Variants in SZT2 observed in about 807,000 individuals in gnomAD.
SZT2 encodes the protein KICSTOR complex protein SZT2.
A neutral mutation model predicts 404.2 loss-of-function variants in SZT2; 216 were observed. The observed-to-expected ratio is 0.53, with a 90% CI of 0.48 to 0.60. The LOEUF (loss-of-function observed/expected upper bound fraction) is 0.60. SZT2 is among the 20% of genes least tolerant of loss of function. The pLI, the probability that SZT2 is intolerant of heterozygous loss-of-function variation, is 0.00. For synonymous variants in SZT2, 1,693 were observed against 1,749.9 expected, an observed-to-expected ratio of 0.97 and a Z score of 0.81; for missense variants, 3,857 against 4,459.2, an observed-to-expected ratio of 0.86 and a Z score of 3.85.
At chr1:43,444,288 G>C (rs908126382) in intron 62 of SZT2, among the ~76,000 whole-genome samples, 2 of 151,846 alleles carry the variant, frequency 1.3e-5, no homozygotes, top group African/African-American at 4.8e-5. Flanking sequence ...GTAGAGATGG[G>C]GTATCACCAT....
At chr1:43,430,919 C>T in intron 32 of SZT2, 30 bp from the exon 33 acceptor site, 1 of 1,602,670 alleles carries the variant, frequency 6.2e-7, no homozygotes, top group Non-Finnish European at 8.5e-7. Context: ...TTAGAGCCCT[C>T]AGCAACTGCT....
At chr1:43,413,425 T>C (rs1016646230) in intron 4 of SZT2, among the ~76,000 whole-genome samples, 2 of 152,046 alleles carry the variant, frequency 1.3e-5, no homozygotes, top group Non-Finnish European at 2.9e-5. Flanking sequence ...AGAGCTACCA[T>C]ATGATCTAGC....
At chr1:43,429,619 C>T (rs1653611911) in intron 28 of SZT2, 84 bp from the exon 29 acceptor site, 2 of 1,568,222 alleles carry the variant, frequency 1.3e-6, no homozygotes, top group South Asian at 2.3e-5. Flanking sequence ...AAAAGGCTTC[C>T]TGTGCTGCTC....
At chr1:43,391,855 G>A (rs1340718102) in intron 1 of SZT2, among the ~76,000 whole-genome samples, 1 of 27,410 alleles carries the variant, frequency 3.6e-5, no homozygotes, top group African/African-American at 1.5e-4. Flanking sequence ...GCCGAGGCGG[G>A]CGGATCACGA....
At chr1:43,406,285 A>G in intron 4 of SZT2, 1 of 306,292 alleles carries the variant, frequency 3.3e-6, no homozygotes, top group Non-Finnish European at 6.4e-6. Flanking sequence ...TTTGGTAGAG[A>G]CAGGGTTTCA....
Position 43,420,277 on chromosome 1 carries a change from A to G in SZT2, c.1215A>G (p.Val405=), listed in dbSNP as rs1485346293. Residue 405 remains valine, a synonymous_variant, in exon 9 of 72, where the codon GTA becomes GTG. Coordinates refer to ENST00000634258, the MANE Select transcript of SZT2 (RefSeq NM_001365999.1). This position sits in a 1 kb window ranked among gnomAD's most constrained non-coding sequence, Gnocchi z 5.1. ...VPADLVSTVS[V]RLREGYSVRE... is the part of the protein sequence containing the mutation. Reference sequence around the variant, plus strand: ...CCGACTTGGTCAGCACTGTGTCCGTACGGCTTCGAGAGGGCTACAGTGTCC... The same window carrying G: ...CCGACTTGGTCAGCACTGTGTCCGTGCGGCTTCGAGAGGGCTACAGTGTCC... 2 of 1,598,220 alleles carry G rather than the reference A, an allele frequency of 1.3e-6. No individual in the cohort carries two copies. Among genetic ancestry groups the G allele is most frequent in the African/African-American group, 2.7e-5 (2 of 75,044 alleles).
At chr1:43,416,219 T>C in intron 6 of SZT2, 118 bp downstream of exon 6, 1 of 1,344,820 alleles carries the variant, frequency 7.4e-7, no homozygotes, top group Non-Finnish European at 9.9e-7. Flanking sequence ...GAGGATCTGT[T>C]TCCTTGTTTG....
chr1:43,403,034 AGGTTGG>A, intron 1 of SZT2, 137 bp from the exon 2 acceptor site: 1 of 814,178 alleles, frequency 1.2e-6, no homozygotes, highest in Non-Finnish European at 2.0e-6. Flanking sequence ...CCTTGCATGG[AGGTTGG>A]GGTAAACTTT....
At position 43,443,866 on chromosome 1, in the gene SZT2, C is replaced by T. The variant is rs947669590; in HGVS notation, c.8825+70C>T. The T allele has an allele frequency of 4.4e-6, 7 of 1,585,834 alleles. No homozygotes were observed. In the African/African-American group the frequency reaches 8.1e-5, roughly 18 times the overall value. On this transcript the variant is annotated intron_variant, in intron 62 of 71. Transcript: ENST00000634258. ...GCAAGTGAGGCCCCACAGGCCCTTCCTCTCTTTACAAGGTCCTATGTTGAC... is the reference window on the plus strand; with the variant it reads ...GCAAGTGAGGCCCCACAGGCCCTTCTTCTCTTTACAAGGTCCTATGTTGAC...
At chr1:43,401,387 A>G (rs1649664918) in intron 1 of SZT2, among the ~76,000 whole-genome samples, 1 of 152,262 alleles carries the variant, frequency 6.6e-6, no homozygotes, top group South Asian at 2.1e-4. Context: ...CCACTGTCTC[A>G]CAGCTAATAA....
In SZT2 at chr1:43,439,994, A is replaced by T; in HGVS notation, c.7156A>T (p.Ile2386Phe). 6.2e-7 allele frequency: 1 copy of T among 1,614,180 alleles called. No individual in the cohort carries two copies. The highest frequency in any genetic ancestry group is 8.5e-7 in the Non-Finnish European group (1 of 1,180,006). ...GAARQALADA[I>F]IELQLLPASL... ...AGCTCGCCAGGCCCTGGCCGATGCC[A>T]TCATCGAGCTTCAGCTGCTGCCAGC... The change falls in exon 51 of 72, where the codon ATC (isoleucine) becomes TTC (phenylalanine). Residue 2386 changes from isoleucine to phenylalanine, a missense_variant. By Grantham distance (21) the Ile-to-Phe change is conservative. This residue lies in a region of SZT2 where 573 missense variants were observed against 592.4 expected (regional missense o/e 0.97). Coordinates refer to ENST00000634258, the MANE Select transcript of SZT2 (RefSeq NM_001365999.1). The surrounding 1 kb of genome is among the most constrained non-coding windows in gnomAD (Gnocchi z 4.2).
chr1:43,443,503 C>T (rs768510712), intron 61 of SZT2, 26 bp downstream of exon 61: 18 of 1,613,954 alleles, frequency 1.1e-5, no homozygotes, highest in Non-Finnish European at 1.5e-5. Context: ...AGACTTCTAG[C>T]AGACCTTTGC....
At chr1:43,428,521 A>T (rs373532777) in intron 28 of SZT2, 35 bp downstream of exon 28, 1 of 1,601,570 alleles carries the variant, frequency 6.2e-7, no homozygotes, top group Admixed American at 1.7e-5. Flanking sequence ...ATAAGGGGGT[A>T]CACAGACCAA....
In SZT2 at chr1:43,440,542, A is replaced by G; in HGVS notation, c.7300A>G (p.Thr2434Ala). The change falls in exon 52 of 72, where the codon ACT becomes GCT. Residue 2434 changes from threonine (T) to alanine (A), a missense_variant. By Grantham distance (58) the Thr-to-Ala change is moderately conservative (BLOSUM62 0). This residue lies in a region of SZT2 where 573 missense variants were observed against 592.4 expected (regional missense o/e 0.97). Transcript: ENST00000634258. ...TGCCCCTGTCCCTGGGGAGCCTGTG[A>G]CTCCACCCAGCAAAGCGGGCCGGCG... The part of the protein sequence containing the change: ...PPAPVPGEPV[T>A]PPSKAGRRSF... 6.2e-7 allele frequency: 1 copy of G among 1,606,730 alleles called. No homozygotes were observed. The highest frequency in any genetic ancestry group is 8.5e-7 in the Non-Finnish European group (1 of 1,176,660).
chr1:43,437,871 C>A lies in SZT2; in HGVS notation c.6477C>A (p.Ile2159=). The change falls in exon 46 of 72, where the codon ATC becomes ATA. Residue 2159 remains isoleucine (I), a synonymous_variant. Coordinates refer to ENST00000634258, the MANE Select transcript of SZT2 (RefSeq NM_001365999.1). The surrounding 1 kb of genome is among the most constrained non-coding windows in gnomAD (Gnocchi z 5.3). ...ARPVGQVDRH[I]QLLVHGVGQA... Reference sequence around the variant, plus strand: ...CTGTGGGCCAAGTGGACAGACATATCCAGCTGCTGGTCCATGGTGTTGGGC... The same window carrying A: ...CTGTGGGCCAAGTGGACAGACATATACAGCTGCTGGTCCATGGTGTTGGGC... The A allele has an allele frequency of 6.2e-7, 1 of 1,614,180 alleles. No individual in the cohort carries two copies. The highest frequency in any genetic ancestry group is 8.5e-7 in the Non-Finnish European group (1 of 1,180,044).
intron 15 of SZT2, among the ~76,000 whole-genome samples, chr1:43,423,770 T>TA (rs1178096479): frequency 3.1e-5 from 3 of 95,676 alleles, no homozygotes; most frequent in East Asian, 3.7e-4. Flanking sequence ...AATGAGTAGG[T>TA]CAGAGGTGTG....
intron 4 of SZT2, chr1:43,409,506 T>C (rs1033550544): frequency 4.3e-5 from 17 of 396,542 alleles, no homozygotes; most frequent in African/African-American, 3.1e-4. Flanking sequence ...ATATGATCTT[T>C]TATTTGGAAA....
rs533636331 is a variant in SZT2, at chr1:43,452,572, C to G, written c.*2092C>G. 1.6e-6 allele frequency: 1 copy of G among 611,694 alleles called. No individual in the cohort carries two copies. The highest frequency in any genetic ancestry group is 2.9e-6 in the Non-Finnish European group (1 of 339,824). The allele number at this position is 611,694 out of a possible 1,614,324, so 37.9% of individuals were successfully genotyped here. ...TACTTTCCAAAACCTTTCCTTCCCTCGGTCCTTCTCCGCAACCTGTAACCT... is the reference window on the plus strand; with the variant it reads ...TACTTTCCAAAACCTTTCCTTCCCTGGGTCCTTCTCCGCAACCTGTAACCT... On this transcript the variant is annotated 3_prime_UTR_variant, in exon 72 of 72. Coordinates refer to ENST00000634258, the MANE Select transcript of SZT2 (RefSeq NM_001365999.1).
rs778786644 is a variant in SZT2 at position 43,441,221 on chromosome 1, C to T, written c.7352C>T (p.Thr2451Ile). The T allele has an allele frequency of 4.3e-6, 7 of 1,613,982 alleles. No homozygotes were observed. The South Asian group carries it at 6.6e-5, about 15-fold the overall frequency. Reference protein sequence around the residue: ...RRSFWDMLSKTECGDLGSPKT... With the variant: ...RRSFWDMLSKIECGDLGSPKT... The stretch of plus-strand genomic sequence containing the variant: ...TCACTGCATTGCCCCCAGAGTAAAA[C>T]AGAATGTGGGGATTTGGGTTCCCCC... The change falls in exon 53 of 72, where the codon ACA becomes ATA. Residue 2451 changes from threonine to isoleucine, a missense_variant. By Grantham distance (89) the Thr-to-Ile change is moderately conservative. Transcript: ENST00000634258. The surrounding 1 kb of genome is among the most constrained non-coding windows in gnomAD (Gnocchi z 4.8).
Sources: gnomAD v4.1 joint callset for allele counts (sites outside exome capture counted in the v4.1 genomes callset) on GRCh38, gnomAD v4.1.1 for gene constraint, gnomAD v4.1.1 regional missense constraint, Gnocchi (gnomAD v3.1) non-coding constraint, MANE v1.5 for transcripts, NCBI Gene and HGNC (gene_info 2026-07-23, HGNC 2026-07-21) for gene names.